Variants in PRKN observed in about 807,000 individuals in gnomAD.
PRKN encodes E3 ubiquitin-protein ligase parkin.
In PRKN, 56 loss-of-function variants were observed where a neutral mutation model predicts 59.5. The ratio of observed to expected loss-of-function variants is 0.94; its 90% confidence interval spans 0.76 to 1.18. PRKN has a LOEUF of 1.18. PRKN is among the 50% of genes most tolerant of loss of function. The pLI is 0.00. For synonymous variants in PRKN, 250 were observed against 222.1 expected (o/e 1.13, Z -1.12); for missense variants, 657 against 596.4 (o/e 1.10, Z -1.06).
chr6:162,510,922 C>CA (rs1220680495), intron 1 of PRKN, among the ~76,000 whole-genome samples: 1 of 150,308 alleles, frequency 6.7e-6, no homozygotes, highest in Non-Finnish European at 1.5e-5. Flanking sequence ...GACTCAGTCT[C>CA]AAAAACAAAC....
chr6:162,381,563 C>T (rs1393595556), intron 2 of PRKN, among the ~76,000 whole-genome samples: 1 of 152,122 alleles, frequency 6.6e-6, no homozygotes, highest in Non-Finnish European at 1.5e-5. Flanking sequence ...AAGATGTTTC[C>T]ATTTATCATG....
chr6:162,093,974 A>G (rs574524748), intron 4 of PRKN, among the ~76,000 whole-genome samples: 178 of 152,216 alleles, frequency 1.2e-3, no homozygotes, highest in Non-Finnish European at 1.9e-3. Flanking sequence ...TCTGTGCAGA[A>G]TCAGTCAGAA....
intron 1 of PRKN, among the ~76,000 whole-genome samples, chr6:162,694,195 C>T (rs1209798401): frequency 1.5e-5 from 2 of 134,834 alleles, no homozygotes; most frequent in African/African-American, 2.8e-5. Context: ...TGCAGTGAGC[C>T]GAGATCGTGC....
intron 4 of PRKN, among the ~76,000 whole-genome samples, chr6:162,157,099 T>C (rs1782545320): frequency 6.6e-6 from 1 of 151,494 alleles, no homozygotes; most frequent in African/African-American, 2.4e-5. Context: ...TCTGGTTAAT[T>C]AAAAAAAAAC....
chr6:162,318,665 G>A (rs974442035), intron 2 of PRKN, among the ~76,000 whole-genome samples: 1 of 151,912 alleles, frequency 6.6e-6, no homozygotes, highest in African/African-American at 2.4e-5. Flanking sequence ...ACTTCACTGT[G>A]GTTTTGACCA....
At chr6:161,585,044 T>C (rs1466817514) in intron 7 of PRKN, among the ~76,000 whole-genome samples, 1 of 152,218 alleles carries the variant, frequency 6.6e-6, no homozygotes, top group African/African-American at 2.4e-5. Flanking sequence ...AGAATCTGGT[T>C]CCATTTCTTC....
chr6:162,020,024 GAA>G (rs71751881), intron 5 of PRKN, among the ~76,000 whole-genome samples: 9 of 146,604 alleles, frequency 6.1e-5, no homozygotes, highest in Admixed American at 2.7e-4. Flanking sequence ...CGTCTCAAAG[GAA>G]AAAAAAAAAA....
At chr6:161,725,352 G>T (rs1319939872) in intron 7 of PRKN, among the ~76,000 whole-genome samples, 3 of 152,174 alleles carry the variant, frequency 2.0e-5, no homozygotes, top group African/African-American at 7.2e-5. Flanking sequence ...GAAGGCAGTA[G>T]ACTCAGGACA....
At chr6:162,115,421 A>G (rs1044391637) in intron 4 of PRKN, among the ~76,000 whole-genome samples, 4 of 152,026 alleles carry the variant, frequency 2.6e-5, no homozygotes, top group African/African-American at 9.7e-5. Flanking sequence ...GGTGCAGCGC[A>G]CCAGCAAGGC....
At chr6:162,041,710 C>T (rs992472535) in intron 5 of PRKN, among the ~76,000 whole-genome samples, 95 of 152,286 alleles carry the variant, frequency 6.2e-4, no homozygotes, top group African/African-American at 2.3e-3. Flanking sequence ...CATTGCATGG[C>T]TTCTAAGGAA....
intron 2 of PRKN, among the ~76,000 whole-genome samples, chr6:162,421,258 TC>T (rs1788945871): frequency 7.1e-6 from 1 of 141,002 alleles, no homozygotes; most frequent in South Asian, 2.4e-4. Context: ...CCAGGCACTC[TC>T]TGGATACTTG....
chr6:161,548,068 A>G lies in PRKN; in HGVS notation c.1083+786T>C, dbSNP rs868850643. On this transcript the variant is annotated intron_variant, in intron 9 of 11. Coordinates refer to ENST00000366898, the MANE Select transcript of PRKN (RefSeq NM_004562.3). The surrounding 1 kb of genome is among the most constrained non-coding windows in gnomAD (Gnocchi z 4.2). ...GCACAAAACTCCTCATGAAGTTGCAATTTTAAAAGAAATGTTTCTCATCAA... is the reference window on the plus strand; with the variant it reads ...GCACAAAACTCCTCATGAAGTTGCAGTTTTAAAAGAAATGTTTCTCATCAA... Among the ~76,000 whole-genome samples, 1 of 152,222 alleles carries G rather than the reference A, an allele frequency of 6.6e-6. No homozygotes were observed. Among genetic ancestry groups the G allele is most frequent in the South Asian group, 2.1e-4 (1 of 4,828 alleles).
chr6:162,312,274 C>A (rs1294373848), intron 2 of PRKN, among the ~76,000 whole-genome samples: 2 of 152,090 alleles, frequency 1.3e-5, no homozygotes, highest in African/African-American at 4.8e-5. Flanking sequence ...TTGACCAGTT[C>A]TTTCCATAAG....
At chr6:161,733,917 T>C (rs1431175887) in intron 7 of PRKN, among the ~76,000 whole-genome samples, 3 of 149,736 alleles carry the variant, frequency 2.0e-5, no homozygotes, top group Admixed American at 1.3e-4. Flanking sequence ...TCTCTTCTAA[T>C]AAATACTTTT....
rs182952319 is a variant in PRKN, at chr6:161,402,408, G to C, written c.1084-15531C>G. ...TAAAGAGCAAGTGACTGTGTCCCAGGGCGGCTGAGATAATGCGCGGATCTC... is the reference window on the plus strand; with the variant it reads ...TAAAGAGCAAGTGACTGTGTCCCAGCGCGGCTGAGATAATGCGCGGATCTC... On this transcript the variant is annotated intron_variant, in intron 9 of 11. Transcript: ENST00000366898. This position sits in a 1 kb window ranked among gnomAD's most constrained non-coding sequence, Gnocchi z 4.5. 6.6e-5 allele frequency among the ~76,000 whole-genome samples: 10 copies of C among 152,086 alleles called. No homozygotes were observed. Among genetic ancestry groups the C allele is most frequent in the African/African-American group, 2.2e-4 (9 of 41,366 alleles).
rs1225069321 is a variant in PRKN, at chr6:161,444,437, G to T, written c.1084-57560C>A. On this transcript the variant is annotated intron_variant, in intron 9 of 11. Transcript: ENST00000366898. The surrounding 1 kb of genome is among the most constrained non-coding windows in gnomAD (Gnocchi z 5.6). ...AGTCCTCAAGGTCATTAGATCTCAT[G>T]AATTTACTCCGGCATTTCCATTTCC... Among the ~76,000 whole-genome samples, 3 of 152,210 alleles carry T rather than the reference G, an allele frequency of 2.0e-5. No individual in the cohort carries two copies. Among genetic ancestry groups the T allele is most frequent in the Non-Finnish European group, 2.9e-5 (2 of 68,034 alleles).
At position 162,414,709 on chromosome 6, in the gene PRKN, T is replaced by TGAAAAAAAAAAAAAAAAAAAAAA. The variant is rs373871165; in HGVS notation, c.171+28600_171+28601insTTTTTTTTTTTTTTTTTTTTTTC. Among the ~76,000 whole-genome samples the TGAAAAAAAAAAAAAAAAAAAAAA allele has an allele frequency of 1.3e-4, 6 of 44,552 alleles. 1 individual carries two copies. The highest frequency in any genetic ancestry group is 4.4e-4 in the Admixed American group (2 of 4,500). The allele number at this position is 44,552 out of a possible 152,430, so 29.2% of individuals were successfully genotyped here. A position where few individuals can be genotyped will look rare whatever the true frequency, so the allele number is the denominator to read the frequency against. ...CTGGTCAACTGAGCAAGACTCCGTC[T>TGAAAAAAAAAAAAAAAAAAAAAA]CAAAAAAAAAAAAAAAAAGTGAATC... On this transcript the variant is annotated intron_variant, in intron 2 of 11. Coordinates refer to ENST00000366898, the MANE Select transcript of PRKN (RefSeq NM_004562.3).
At chr6:161,528,584 C>A (rs1463305442) in intron 9 of PRKN, among the ~76,000 whole-genome samples, 1 of 152,172 alleles carries the variant, frequency 6.6e-6, no homozygotes, top group African/African-American at 2.4e-5. Context: ...ACAAATAGGG[C>A]CCCCTCATAT....
At chr6:162,545,271 G>A (rs2128201377) in intron 1 of PRKN, among the ~76,000 whole-genome samples, 1 of 152,176 alleles carries the variant, frequency 6.6e-6, no homozygotes, top group East Asian at 2.0e-4. Flanking sequence ...CTGGGCAACA[G>A]AGTGAGACTC....
Sources: allele counts gnomAD v4.1 joint callset (sites outside exome capture counted in the v4.1 genomes callset), GRCh38; gene constraint gnomAD v4.1.1; non-coding constraint Gnocchi (gnomAD v3.1); transcripts MANE v1.5; gene names NCBI Gene and HGNC (gene_info 2026-07-23, HGNC 2026-07-21).